MRTFB: variants seen among roughly 807,000 people sequenced by gnomAD.
The protein encoded by MRTFB is myocardin related transcription factor B.
In MRTFB, 29 loss-of-function variants were observed where a neutral mutation model predicts 104.2. The ratio of observed to expected loss-of-function variants is 0.28; its 90% CI spans 0.21 to 0.38. The LOEUF is 0.38. Among genes scored for constraint, MRTFB ranks in the 10% least tolerant of loss-of-function variants. The pLI is 1.00. For synonymous variants in MRTFB, 535 were observed against 519.5 expected (o/e 1.03, Z -0.41); for missense variants, 1,270 against 1,341.6 (o/e 0.95, Z 0.83).
chr16:14,021,845 T>C, the MRTFB span, among the ~76,000 whole-genome samples: 2 of 152,234 alleles, frequency 1.3e-5, no homozygotes, highest in African/African-American at 4.8e-5. Flanking sequence ...GCTGGTTCCA[T>C]ATTTTTGCAG....
the MRTFB span, among the ~76,000 whole-genome samples, chr16:14,064,273 G>A: frequency 8.5e-5 from 13 of 152,192 alleles, no homozygotes; most frequent in East Asian, 7.7e-4. Context: ...TATACATGTC[G>A]TCTTTTGAAA....
the MRTFB span, among the ~76,000 whole-genome samples, chr16:14,014,182 G>A: frequency 0.023 from 3,492 of 152,222 alleles, 124 homozygotes; most frequent in African/African-American, 0.08. Context: ...ATTGCGTGGA[G>A]AATGAAGTAA....
intron 16 of MRTFB, 57 bp from the exon 17 acceptor site, chr16:14,260,852 A>C (rs150918994): frequency 2.7e-4 from 385 of 1,446,322 alleles, no homozygotes; most frequent in Non-Finnish European, 3.3e-4. Context: ...TAATTAATAA[A>C]AATTTTTAAG....
At chr16:13,999,191 C>CAA in the MRTFB span, among the ~76,000 whole-genome samples, 11 of 78,184 alleles carry the variant, frequency 1.4e-4, no homozygotes, top group Non-Finnish European at 1.8e-4. Context: ...ACTCTGTCTC[C>CAA]AAAAAAAAAA....
At chr16:14,075,472 C>T (rs565223290) in intron 1 of MRTFB, among the ~76,000 whole-genome samples, 14 of 152,352 alleles carry the variant, frequency 9.2e-5, no homozygotes, top group South Asian at 6.2e-4. Flanking sequence ...ATAAAAATCA[C>T]GGGACCAGAT....
chr16:14,090,409 C>T (rs1021972390), intron 2 of MRTFB, among the ~76,000 whole-genome samples: 8 of 152,142 alleles, frequency 5.3e-5, no homozygotes, highest in Non-Finnish European at 1.0e-4. Flanking sequence ...CATTGTTCTG[C>T]GTCGCTTAAA....
intron 2 of MRTFB, among the ~76,000 whole-genome samples, chr16:14,090,879 G>GGTGTGTGTGTGTGT (rs55685117): frequency 2.0e-3 from 290 of 141,782 alleles, no homozygotes; most frequent in East Asian, 0.014. Context: ...AGTTCAGCAT[G>GGTGTGTGTGTGTGT]GTGTGTGTGT....
At chr16:14,003,534 G>C in the MRTFB span, among the ~76,000 whole-genome samples, 5 of 152,254 alleles carry the variant, frequency 3.3e-5, no homozygotes, top group East Asian at 7.7e-4. Context: ...GCGTCTCCCA[G>C]CCTGCTCTGC....
intron 7 of MRTFB, among the ~76,000 whole-genome samples, chr16:14,218,367 GTTTTT>G (rs1224366908): frequency 6.6e-6 from 1 of 152,076 alleles, no homozygotes. Flanking sequence ...CCTGTCACGT[GTTTTT>G]TTAACAGTTG....
the MRTFB span, among the ~76,000 whole-genome samples, chr16:14,063,305 A>C: frequency 6.6e-6 from 1 of 152,164 alleles, no homozygotes; most frequent in Non-Finnish European, 1.5e-5. Context: ...GATGTCATTA[A>C]TTTTTTAAAA....
Position 14,217,209 on chromosome 16 carries a change from G to T in MRTFB, c.436G>T (p.Ala146Ser), listed in dbSNP as rs147806078. The T allele has an allele frequency of 1.5e-4, 234 of 1,613,770 alleles. No homozygotes were observed. The highest frequency in any genetic ancestry group is 1.9e-4 in the Non-Finnish European group (221 of 1,179,904). ...AGCAGATGATCTGAATGAAAAGATT[G>T]CTCAAAGACCTGGTCCTATGGAGCT... is the stretch of plus-strand genomic sequence containing the variant. ...RLADDLNEKIAQRPGPMELVE... is the reference protein window; with the variant it reads ...RLADDLNEKISQRPGPMELVE... Residue 146 changes from alanine (A) to serine (S), a missense_variant, in exon 7 of 17, where the codon GCT becomes TCT. Coordinates refer to ENST00000571589, the MANE Select transcript of MRTFB (RefSeq NM_001308142.2).
intron 2 of MRTFB, among the ~76,000 whole-genome samples, chr16:14,134,175 T>C (rs1232230063): frequency 6.6e-6 from 1 of 152,238 alleles, no homozygotes; most frequent in Non-Finnish European, 1.5e-5. Flanking sequence ...ACCCTCACAC[T>C]GGCATTCTTA....
the MRTFB span, among the ~76,000 whole-genome samples, chr16:14,024,869 G>C: frequency 2.6e-5 from 4 of 152,132 alleles, no homozygotes; most frequent in African/African-American, 4.8e-5. Context: ...GCTATTATCT[G>C]AATTTTATAG....
the MRTFB span, among the ~76,000 whole-genome samples, chr16:14,046,230 A>G: frequency 6.6e-6 from 1 of 152,100 alleles, no homozygotes; most frequent in Admixed American, 6.5e-5. Flanking sequence ...GGAGGCCGAG[A>G]TGGGAGGAAC....
intron 2 of MRTFB, among the ~76,000 whole-genome samples, chr16:14,136,456 G>C (rs1195949423): frequency 6.6e-6 from 1 of 151,980 alleles, no homozygotes; most frequent in East Asian, 1.9e-4. Flanking sequence ...CTCAATGCTT[G>C]GTACACAGTA....
intron 8 of MRTFB, among the ~76,000 whole-genome samples, chr16:14,229,749 G>GC (rs1555455654): frequency 6.7e-6 from 1 of 148,770 alleles, no homozygotes; most frequent in Non-Finnish European, 1.5e-5. Context: ...TGCCTTTTTA[G>GC]TTTTTTTTTT....
chr16:14,246,249 G>A (rs144754978), intron 11 of MRTFB, among the ~76,000 whole-genome samples: 5 of 152,230 alleles, frequency 3.3e-5, no homozygotes, highest in East Asian at 1.9e-4. Context: ...ACGTAAAAGC[G>A]GAATTACCCT....
chr16:14,180,963 T>C (rs2039749142), intron 3 of MRTFB, among the ~76,000 whole-genome samples: 1 of 152,320 alleles, frequency 6.6e-6, no homozygotes, highest in Non-Finnish European at 1.5e-5. Context: ...CAAAATCTTA[T>C]TACCCTAGAA....
chr16:14,147,375 G>A (rs1196737196), intron 3 of MRTFB, among the ~76,000 whole-genome samples: 1 of 152,118 alleles, frequency 6.6e-6, no homozygotes, highest in Non-Finnish European at 1.5e-5. Context: ...AAATGAAAAA[G>A]AAGCCTTGTA....
Sources: gnomAD v4.1 joint callset for allele counts (sites outside exome capture counted in the v4.1 genomes callset) on GRCh38, gnomAD v4.1.1 for gene constraint, MANE v1.5 for transcripts, NCBI Gene and HGNC (gene_info 2026-07-23, HGNC 2026-07-21) for gene names.